DCUN1D1: variants seen among roughly 807,000 people sequenced by gnomAD.
DCUN1D1 encodes DCN1-like protein 1.
A neutral mutation model predicts 39.0 loss-of-function variants in DCUN1D1; 3 were observed. The ratio of observed to expected loss-of-function variants is 0.08; its 90% CI spans 0.04 to 0.20. The LOEUF (loss-of-function observed/expected upper bound fraction) is 0.20, where lower values mean the gene tolerates loss of function less well. DCUN1D1 is among the 10% of genes least tolerant of loss of function. The pLI is 1.00. For synonymous variants in DCUN1D1, 82 were observed against 96.3 expected, an observed-to-expected ratio of 0.85 and a Z score of 0.87; for missense variants, 158 against 302.4, an observed-to-expected ratio of 0.52 and a Z score of 3.54.
intron 4 of DCUN1D1, chr3:182,955,847 C>T: frequency 2.3e-5 from 5 of 214,758 alleles, no homozygotes; most frequent in Non-Finnish European, 4.8e-5. Flanking sequence ...TCCCAAAGTG[C>T]TGGGATTACA....
At chr3:182,977,291 G>A (rs1728284244) in intron 1 of DCUN1D1, among the ~76,000 whole-genome samples, 1 of 152,158 alleles carries the variant, frequency 6.6e-6, no homozygotes, top group Non-Finnish European at 1.5e-5. Flanking sequence ...GTAATTAGAT[G>A]ATCTCTGAGT....
At chr3:182,973,055 G>A (rs1298967300) in intron 1 of DCUN1D1, among the ~76,000 whole-genome samples, 2 of 152,058 alleles carry the variant, frequency 1.3e-5, no homozygotes, top group African/African-American at 2.4e-5. Flanking sequence ...AAAAAAAGGG[G>A]GGGGCTCTGT....
intron 1 of DCUN1D1, among the ~76,000 whole-genome samples, chr3:182,968,931 A>C (rs997652025): frequency 1.3e-5 from 2 of 152,128 alleles, no homozygotes; most frequent in African/African-American, 4.8e-5. Flanking sequence ...GTTTGGTATA[A>C]ATTTCCACTA....
intron 4 of DCUN1D1, among the ~76,000 whole-genome samples, chr3:182,948,526 C>T (rs1726535380): frequency 6.6e-6 from 1 of 152,170 alleles, no homozygotes; most frequent in South Asian, 2.1e-4. Flanking sequence ...CAGAGAACTA[C>T]ACTTATCACA....
intron 1 of DCUN1D1, among the ~76,000 whole-genome samples, chr3:182,970,138 G>A (rs1009713250): frequency 6.6e-6 from 1 of 151,946 alleles, no homozygotes; most frequent in Non-Finnish European, 1.5e-5. Flanking sequence ...CACACCTATA[G>A]TCCTAGCTAC....
Position 182,940,532 on chromosome 3 carries a change from C to T in DCUN1D1, c.*4562G>A, listed in dbSNP as rs769444354. ...GCTGACAGATATGCCAAAGAGGTAA[C>T]AGTCCCTCTAAAGCCAATCATTAAA... On this transcript the variant is annotated 3_prime_UTR_variant, in exon 7 of 7. Transcript: ENST00000292782. 6 of 152,118 alleles carry T rather than the reference C, an allele frequency of 3.9e-5. No individual in the cohort carries two copies. The highest frequency in any genetic ancestry group is 8.8e-5 in the Non-Finnish European group (6 of 68,018). The allele number at this position is 152,118 out of a possible 1,614,324, so 9.4% of individuals were successfully genotyped here.
chr3:182,958,477 A>G (rs1727210482), intron 4 of DCUN1D1, among the ~76,000 whole-genome samples: 2 of 152,264 alleles, frequency 1.3e-5, no homozygotes, highest in South Asian at 2.1e-4. Context: ...CATTCTTTGT[A>G]TTGTACACTG....
chr3:182,972,060 T>TTG (rs1553844812), intron 1 of DCUN1D1, among the ~76,000 whole-genome samples: 1 of 147,938 alleles, frequency 6.8e-6, no homozygotes, highest in African/African-American at 2.6e-5. Flanking sequence ...GTTTTTTTTT[T>TTG]TTTTTTTTTT....
At chr3:182,966,405 T>C (rs1176018412) in intron 1 of DCUN1D1, among the ~76,000 whole-genome samples, 1 of 152,112 alleles carries the variant, frequency 6.6e-6, no homozygotes, top group Non-Finnish European at 1.5e-5. Flanking sequence ...TCATATCCTA[T>C]CAAAATAATT....
chr3:182,980,406 G>A, intron 1 of DCUN1D1, 81 bp downstream of exon 1: 2 of 985,924 alleles, frequency 2.0e-6, no homozygotes, highest in Non-Finnish European at 2.4e-6. Context: ...GTCGCCGCGG[G>A]ACGGAGGGCG....
chr3:182,941,860 T>C lies in DCUN1D1; in HGVS notation c.*3234A>G, dbSNP rs1314894743. 4 of 152,032 alleles carry C rather than the reference T, an allele frequency of 2.6e-5. No individual in the cohort carries two copies. The highest frequency in any genetic ancestry group is 5.9e-5 in the Non-Finnish European group (4 of 67,970). 9.4% of individuals were successfully genotyped at this position (152,032 alleles called of 1,614,324 possible). Reference sequence around the variant, plus strand: ...AGGTTTAACTTTCTCCTGTCATTCATATGTGAAAATTACAGAAGGTTTACA... The same window carrying C: ...AGGTTTAACTTTCTCCTGTCATTCACATGTGAAAATTACAGAAGGTTTACA... On this transcript the variant is annotated 3_prime_UTR_variant, in exon 7 of 7. Coordinates refer to ENST00000292782, the MANE Select transcript of DCUN1D1 (RefSeq NM_020640.4).
At position 182,973,782 on chromosome 3, in the gene DCUN1D1, G is replaced by C. The variant is rs1418096275; in HGVS notation, c.3+6705C>G. 2.4e-4 allele frequency among the ~76,000 whole-genome samples: 37 copies of C among 151,426 alleles called. 1 individual carries two copies. The highest frequency in any genetic ancestry group is 2.4e-3 in the Admixed American group (36 of 15,220). On this transcript the variant is annotated intron_variant, in intron 1 of 6. Transcript: ENST00000292782. ...AAATTGTGCCATTGCACTCCAGCCT[G>C]GGTGACAAGTGCGAAACTCCGGCTC...
chr3:182,967,973 G>A (rs1727754637), intron 1 of DCUN1D1, among the ~76,000 whole-genome samples: 2 of 152,190 alleles, frequency 1.3e-5, no homozygotes, highest in Admixed American at 6.5e-5. Context: ...AAGTACCAAA[G>A]GATCACTGTG....
At chr3:182,975,453 G>GGT (rs1728181782) in intron 1 of DCUN1D1, among the ~76,000 whole-genome samples, 1 of 151,862 alleles carries the variant, frequency 6.6e-6, no homozygotes, top group Admixed American at 6.6e-5. Flanking sequence ...TGGGATTACA[G>GGT]GTGTGAGCCA....
intron 4 of DCUN1D1, chr3:182,950,721 C>G (rs942144319): frequency 6.6e-6 from 1 of 151,690 alleles, no homozygotes; most frequent in Non-Finnish European, 1.5e-5. Context: ...ATACATAATA[C>G]TGGCTGGGCG....
intron 4 of DCUN1D1, among the ~76,000 whole-genome samples, chr3:182,951,515 T>C (rs945059044): frequency 6.8e-5 from 10 of 146,444 alleles, no homozygotes; most frequent in East Asian, 2.1e-4. Flanking sequence ...ACTCAAGAGG[T>C]TGAGGCAGGA....
intron 1 of DCUN1D1, among the ~76,000 whole-genome samples, chr3:182,975,465 C>T (rs1319976826): frequency 1.3e-5 from 2 of 151,710 alleles, no homozygotes; most frequent in African/African-American, 4.8e-5. Flanking sequence ...TGTGAGCCAC[C>T]GCGCCCAGCC....
At chr3:182,963,591 T>C (rs1394311768) in intron 3 of DCUN1D1, among the ~76,000 whole-genome samples, 1 of 152,244 alleles carries the variant, frequency 6.6e-6, no homozygotes, top group Non-Finnish European at 1.5e-5. Flanking sequence ...ACTTTAAAAC[T>C]TGGTCATTTC....
chr3:182,980,557 C>T (rs1238273646), upstream of DCUN1D1: 9 of 1,194,878 alleles, frequency 7.5e-6, no homozygotes, highest in East Asian at 9.5e-5. Flanking sequence ...GCGGCGGCGG[C>T]GGCTCCTCTC....
Sources: allele counts gnomAD v4.1 joint callset (sites outside exome capture counted in the v4.1 genomes callset), GRCh38; gene constraint gnomAD v4.1.1; transcripts MANE v1.5; gene names NCBI Gene and HGNC (gene_info 2026-07-23, HGNC 2026-07-21).